The following SCRN3 variants were observed in gnomAD, a reference collection of about 807,000 sequenced individuals.
The protein encoded by SCRN3 is secernin 3, also known as secernin-3.
Under a neutral mutation model 43.1 loss-of-function variants are expected in SCRN3, and 39 were observed. The observed-to-expected ratio is 0.91, with a 90% confidence interval of 0.70 to 1.18. SCRN3 has a LOEUF of 1.18. SCRN3 is among the 50% of genes most tolerant of loss of function. The pLI, the probability that SCRN3 is intolerant of heterozygous loss-of-function variation, is 0.00. For synonymous variants in SCRN3, 147 were observed against 163.1 expected, an observed-to-expected ratio of 0.90 and a Z score of 0.75; for missense variants, 484 against 498.0, an observed-to-expected ratio of 0.97 and a Z score of 0.27.
chr2:174,404,458 A>G, intron 5 of SCRN3, 143 bp downstream of exon 5: 3 of 514,172 alleles, frequency 5.8e-6, no homozygotes, highest in Non-Finnish European at 9.5e-6. Flanking sequence ...TTATAAACCT[A>G]TTTTTTTTTT....
chr2:174,403,730 A>C (rs1242791828), intron 4 of SCRN3, among the ~76,000 whole-genome samples: 1 of 152,158 alleles, frequency 6.6e-6, no homozygotes, highest in Non-Finnish European at 1.5e-5. Context: ...TGGCTATAAA[A>C]GGGCAACATG....
At chr2:174,400,805 C>T (rs1000612020) in intron 3 of SCRN3, among the ~76,000 whole-genome samples, 185 bp from the exon 4 acceptor site, 3 of 152,126 alleles carry the variant, frequency 2.0e-5, no homozygotes, top group Non-Finnish European at 2.9e-5. Context: ...TGTTTGACTC[C>T]AGAAACTTTA....
In SCRN3 at chr2:174,398,371, C is replaced by G. The variant is rs751165211; in HGVS notation, c.88C>G (p.Leu30Val). The change falls in exon 2 of 8, where the codon CTC becomes GTC. Residue 30 changes from leucine (L) to valine (V), a missense_variant. Physicochemically the swap from Leu to Val is conservative, Grantham distance 32. Coordinates refer to ENST00000272732, the MANE Select transcript of SCRN3 (RefSeq NM_024583.5). ...RIIFGKNSDR[L>V]YDEVQEVVYF... ...TATTTTTGGAAAAAATTCAGATAGACTCTATGATGAAGTACAAGAGGTGGT... is the reference window on the plus strand; with the variant it reads ...TATTTTTGGAAAAAATTCAGATAGAGTCTATGATGAAGTACAAGAGGTGGT... 2 of 1,608,914 alleles carry G rather than the reference C, an allele frequency of 1.2e-6. No individual in the cohort carries two copies. Among genetic ancestry groups the G allele is most frequent in the Non-Finnish European group, 1.7e-6 (2 of 1,178,094 alleles).
intron 5 of SCRN3, among the ~76,000 whole-genome samples, chr2:174,415,600 A>T (rs1485388127): frequency 1.3e-5 from 2 of 152,178 alleles, no homozygotes; most frequent in Non-Finnish European, 2.9e-5. Flanking sequence ...ACTAATAAAA[A>T]TGTGATTAAT....
Position 174,400,992 on chromosome 2 carries a change from T to C in SCRN3, c.344T>C (p.Leu115Pro). 6.2e-7 allele frequency: 1 copy of C among 1,606,038 alleles called. No individual in the cohort carries two copies. The change falls in exon 4 of 8, where the codon CTT (leucine) becomes CCT (proline). Residue 115 changes from leucine (L) to proline (P), a missense_variant and splice_region_variant. Leu to Pro is a moderately conservative substitution (Grantham distance 98, BLOSUM62 -3). Coordinates refer to ENST00000272732, the MANE Select transcript of SCRN3 (RefSeq NM_024583.5). ...EALLGMDLVR[L>P]GLERADTAEK... The stretch of plus-strand genomic sequence containing the variant: ...AGAACTTTATATTTTTGTTTTAGAC[T>C]TGGCCTTGAAAGAGCTGATACAGCT...
intron 5 of SCRN3, among the ~76,000 whole-genome samples, chr2:174,406,170 T>G (rs1218983093): frequency 5.8e-5 from 8 of 136,864 alleles, no homozygotes; most frequent in Non-Finnish European, 1.0e-4. Flanking sequence ...AAGAGGTCCT[T>G]CACATCCCTT....
intron 3 of SCRN3, 26 bp downstream of exon 3, chr2:174,400,129 A>G: frequency 7.0e-7 from 1 of 1,437,364 alleles, no homozygotes; most frequent in Non-Finnish European, 9.3e-7. Context: ...ATTTTATACT[A>G]CAGACCTTGT....
rs559876360 is a variant in SCRN3 at position 174,406,543 on chromosome 2, C to A, written c.754+2228C>A. Among the ~76,000 whole-genome samples, 433 of 150,434 alleles carry A rather than the reference C, an allele frequency of 2.9e-3. 1 individual carries two copies. Among genetic ancestry groups the A allele is most frequent in the African/African-American group, 1.0e-2 (413 of 41,350 alleles). On this transcript the variant is annotated intron_variant, in intron 5 of 7. Coordinates refer to ENST00000272732, the MANE Select transcript of SCRN3 (RefSeq NM_024583.5). ...GGCATCCCTGTCTTGTGCCAGTTTT[C>A]AAAGGAAATGCTTCCAGTTTTTGCC... is the stretch of plus-strand genomic sequence containing the variant.
intron 5 of SCRN3, among the ~76,000 whole-genome samples, chr2:174,413,115 AC>A (rs1478633531): frequency 6.6e-6 from 1 of 151,054 alleles, no homozygotes; most frequent in Non-Finnish European, 1.5e-5. Context: ...CAGGTGATCC[AC>A]CCGTCTCGGC....
At chr2:174,419,431 G>A (rs561696657) in intron 5 of SCRN3, among the ~76,000 whole-genome samples, 126 of 152,314 alleles carry the variant, frequency 8.3e-4, no homozygotes, top group Non-Finnish European at 1.3e-3. Context: ...CCAGGCTGGA[G>A]TGCGGTGGCA....
intron 1 of SCRN3, chr2:174,397,496 CAT>C: frequency 1.7e-6 from 1 of 604,236 alleles, no homozygotes; most frequent in African/African-American, 2.0e-5. Context: ...ATTATATTGA[CAT>C]ATTTTTGTCT....
At chr2:174,400,272 G>A (rs968148125) in intron 3 of SCRN3, among the ~76,000 whole-genome samples, 169 bp downstream of exon 3, 2 of 151,824 alleles carry the variant, frequency 1.3e-5, no homozygotes, top group Non-Finnish European at 2.9e-5. Context: ...AGTTTTGTTT[G>A]GTTTTTTAAA....
intron 5 of SCRN3, among the ~76,000 whole-genome samples, chr2:174,416,931 T>C (rs553708640): frequency 1.3e-5 from 2 of 152,370 alleles, no homozygotes; most frequent in East Asian, 3.9e-4. Flanking sequence ...AGAATGCCTT[T>C]ACATTATTGT....
chr2:174,408,525 C>T (rs1176942362), intron 5 of SCRN3, among the ~76,000 whole-genome samples: 18 of 148,794 alleles, frequency 1.2e-4, no homozygotes, highest in African/African-American at 4.2e-4. Flanking sequence ...TGATTTTGCT[C>T]GTTAGTTGAT....
Position 174,427,967 on chromosome 2 carries a change from C to T in SCRN3, c.*72C>T. Reference sequence around the variant, plus strand: ...TAATCTTCAAAGTCAGAATCTATCACCTTGGTAAATTATATAAACCTAACT... The same window carrying T: ...TAATCTTCAAAGTCAGAATCTATCATCTTGGTAAATTATATAAACCTAACT... On this transcript the variant is annotated 3_prime_UTR_variant, in exon 8 of 8. Coordinates refer to ENST00000272732, the MANE Select transcript of SCRN3 (RefSeq NM_024583.5). The T allele has an allele frequency of 2.9e-6, 3 of 1,045,894 alleles. No homozygotes were observed. The highest frequency in any genetic ancestry group is 2.8e-6 in the Non-Finnish European group (2 of 709,212). The allele number at this position is 1,045,894 out of a possible 1,614,324, so 64.8% of individuals were successfully genotyped here. A position where few individuals can be genotyped will look rare whatever the true frequency, so the allele number is the denominator to read the frequency against.
intron 4 of SCRN3, among the ~76,000 whole-genome samples, chr2:174,403,100 C>T (rs1359179757): frequency 1.3e-5 from 2 of 149,794 alleles, no homozygotes; most frequent in Non-Finnish European, 3.0e-5. Flanking sequence ...AAAAAAAAAT[C>T]CAGTTAGAAA....
intron 2 of SCRN3, 27 bp from the exon 3 acceptor site, chr2:174,399,895 A>G (rs781289914): frequency 1.7e-6 from 2 of 1,181,586 alleles, no homozygotes; most frequent in Non-Finnish European, 2.2e-6. Context: ...GGTTCTTGCT[A>G]TGACTTTTTT....
intron 5 of SCRN3, among the ~76,000 whole-genome samples, chr2:174,404,728 T>C (rs1685633029): frequency 8.0e-6 from 1 of 124,578 alleles, no homozygotes; most frequent in Non-Finnish European, 1.7e-5. Flanking sequence ...GTTCTTGCGA[T>C]AGTTTACTGA....
chr2:174,403,235 C>G (rs1205184291), intron 4 of SCRN3, among the ~76,000 whole-genome samples: 1 of 151,962 alleles, frequency 6.6e-6, no homozygotes, highest in Admixed American at 6.6e-5. Context: ...TTTTACTACA[C>G]CTCTATCACA....
Sources: allele counts gnomAD v4.1 joint callset (sites outside exome capture counted in the v4.1 genomes callset), GRCh38; gene constraint gnomAD v4.1.1; transcripts MANE v1.5; gene names NCBI Gene and HGNC (gene_info 2026-07-23, HGNC 2026-07-21).